The following LYPD1 variants were observed in gnomAD, a reference collection of about 807,000 sequenced individuals.
LYPD1 encodes the protein LY6/PLAUR domain containing 1, also known as ly6/PLAUR domain-containing protein 1.
In LYPD1, 14 loss-of-function variants were observed where a neutral mutation model predicts 14.2. The observed-to-expected ratio is 0.99, with a 90% CI of 0.65 to 1.54. The LOEUF (loss-of-function observed/expected upper bound fraction) is 1.54, where lower values mean the gene tolerates loss of function less well. LYPD1 is among the 40% of genes most tolerant of loss of function. LYPD1 has a pLI of 0.00. For missense variants in LYPD1, 165 were observed against 175.7 expected, an observed-to-expected ratio of 0.94 and a Z score of 0.34; for synonymous variants, 85 against 70.6, an observed-to-expected ratio of 1.20 and a Z score of -1.02.
chr2:132,662,362 G>A (rs1683001062), intron 2 of LYPD1, among the ~76,000 whole-genome samples: 1 of 152,168 alleles, frequency 6.6e-6, no homozygotes, highest in African/African-American at 2.4e-5. Context: ...AAGGGGGGAG[G>A]CTAAGCCCCT....
rs966463098 is a variant in LYPD1 at position 132,643,589 on chromosome 2, C to T, written c.*2456G>A. Among the ~76,000 whole-genome samples, 9 of 152,330 alleles carry T rather than the reference C, an allele frequency of 5.9e-5. No homozygotes were observed. In the South Asian group the frequency reaches 1.0e-3, roughly 18 times the overall value. On this transcript the variant is annotated 3_prime_UTR_variant, in exon 3 of 3. Transcript: ENST00000397463. ...AGTGCAGTGGCACATTCGTGTCTCA[C>T]TGTAGCCTTCACCTCCTGGGCTCAA...
At chr2:132,661,123 C>T (rs145458072) in intron 2 of LYPD1, among the ~76,000 whole-genome samples, 3 of 152,232 alleles carry the variant, frequency 2.0e-5, no homozygotes, top group East Asian at 1.9e-4. Context: ...TTCTTGAGGA[C>T]GGTGGCCTAA....
intron 2 of LYPD1, among the ~76,000 whole-genome samples, chr2:132,653,489 G>A (rs1180122971): frequency 6.6e-6 from 1 of 152,218 alleles, no homozygotes; most frequent in African/African-American, 2.4e-5. Flanking sequence ...TTTTCTTACA[G>A]AAGGATTCCA....
At chr2:132,653,874 C>G (rs1682445713) in intron 2 of LYPD1, among the ~76,000 whole-genome samples, 1 of 152,292 alleles carries the variant, frequency 6.6e-6, no homozygotes, top group Middle Eastern at 3.4e-3. Context: ...CAGACAATCC[C>G]AAACTGAGGG....
Position 132,670,151 on chromosome 2 carries a change from C to G in LYPD1, c.-219G>C. On this transcript the variant is annotated 5_prime_UTR_variant, in exon 1 of 3. Coordinates refer to ENST00000397463, the MANE Select transcript of LYPD1 (RefSeq NM_144586.7). This position sits in a 1 kb window ranked among gnomAD's most constrained non-coding sequence, Gnocchi z 4.5. ...CGGCTGCGGGTCTCTGCTCCTCCCG[C>G]TCGCGCTCCCGGGCCGAGCACCGCG... 6 of 1,374,912 alleles carry G rather than the reference C, an allele frequency of 4.4e-6. No individual in the cohort carries two copies. The highest frequency in any genetic ancestry group is 5.6e-6 in the Non-Finnish European group (6 of 1,071,538). 85.2% of individuals were successfully genotyped at this position (1,374,912 alleles called of 1,614,324 possible). A position where few individuals can be genotyped will look rare whatever the true frequency, so the allele number is the denominator to read the frequency against.
rs1290380647 is a variant in LYPD1, at chr2:132,660,219, A to C, written c.190+8181T>G. Among the ~76,000 whole-genome samples, 3 of 152,358 alleles carry C rather than the reference A, an allele frequency of 2.0e-5. No homozygotes were observed. In the East Asian group the frequency reaches 5.8e-4, roughly 29 times the overall value. ...TATCACAACTTCCTTAAAATAATAC[A>C]ACTTTATCACTTTTGCATCTGATCC... On this transcript the variant is annotated intron_variant, in intron 2 of 2. Transcript: ENST00000397463.
intron 2 of LYPD1, among the ~76,000 whole-genome samples, chr2:132,663,566 G>C (rs973988465): frequency 6.6e-6 from 1 of 152,190 alleles, no homozygotes; most frequent in African/African-American, 2.4e-5. Flanking sequence ...ATGAGCCGCC[G>C]TGCCCAGCTT....
Position 132,644,006 on chromosome 2 carries a change from C to G in LYPD1, c.*2039G>C, listed in dbSNP as rs909308059. On this transcript the variant is annotated 3_prime_UTR_variant, in exon 3 of 3. Coordinates refer to ENST00000397463, the MANE Select transcript of LYPD1 (RefSeq NM_144586.7). ...TGCAAATCCTGCTTTAAGGTAGCAG[C>G]TCTCTACAGGGGAATTTACTGTGGG... 6.6e-6 allele frequency among the ~76,000 whole-genome samples: 1 copy of G among 152,192 alleles called. No individual in the cohort carries two copies. The highest frequency in any genetic ancestry group is 1.5e-5 in the Non-Finnish European group (1 of 68,042).
intron 2 of LYPD1, chr2:132,666,731 T>C (rs1683294269): frequency 6.6e-6 from 1 of 152,164 alleles, no homozygotes; most frequent in Non-Finnish European, 1.5e-5. Flanking sequence ...ATGGAGTGTG[T>C]GGTATTCATC....
chr2:132,646,384 C>T, intron 2 of LYPD1, 104 bp from the exon 3 acceptor site: 1 of 681,792 alleles, frequency 1.5e-6, no homozygotes. Flanking sequence ...ACTCCTCCCA[C>T]AGCCCAGAGA....
At chr2:132,668,169 C>T (rs556091188) in intron 2 of LYPD1, among the ~76,000 whole-genome samples, 48 of 152,150 alleles carry the variant, frequency 3.2e-4, no homozygotes, top group African/African-American at 1.1e-3. Context: ...CACTAATTTA[C>T]ATGCACTTCC....
intron 2 of LYPD1, among the ~76,000 whole-genome samples, chr2:132,653,547 C>T (rs1253365239): frequency 6.6e-6 from 1 of 152,148 alleles, no homozygotes; most frequent in Admixed American, 6.6e-5. Context: ...AAGATTAGAA[C>T]ACCATGGTAA....
At chr2:132,670,271 T>G, upstream of LYPD1, 1 of 365,894 alleles carries the variant, frequency 2.7e-6, no homozygotes, top group Non-Finnish European at 4.5e-6. The surrounding 1 kb of genome is among the most constrained non-coding windows in gnomAD (Gnocchi z 4.5). Context: ...ACTCCAGGCA[T>G]CACGTGACGG....
chr2:132,668,650 A>T (rs1683432451), intron 1 of LYPD1, 113 bp from the exon 2 acceptor site: 2 of 1,453,888 alleles, frequency 1.4e-6, no homozygotes, highest in East Asian at 2.6e-5. Flanking sequence ...GCAGGCTTAG[A>T]CCACTCCTGG....
intron 2 of LYPD1, chr2:132,666,858 GTAA>G (rs1683298838): frequency 6.6e-6 from 1 of 152,172 alleles, no homozygotes; most frequent in Admixed American, 6.5e-5. Context: ...TGACACCCAG[GTAA>G]GCAGTGGCCT....
intron 2 of LYPD1, among the ~76,000 whole-genome samples, chr2:132,647,785 C>T (rs527446054): frequency 2.8e-4 from 43 of 152,204 alleles, no homozygotes; most frequent in African/African-American, 1.0e-3. Context: ...GGCTCCTTAC[C>T]CACTCCTTTC....
Position 132,669,668 on chromosome 2 carries a change from G to A in LYPD1, c.52+213C>T, listed in dbSNP as rs1316077774. 6.6e-6 allele frequency among the ~76,000 whole-genome samples: 1 copy of A among 151,960 alleles called. No homozygotes were observed. Among genetic ancestry groups the A allele is most frequent in the Non-Finnish European group, 1.5e-5 (1 of 67,972 alleles). On this transcript the variant is annotated intron_variant, in intron 1 of 2. Coordinates refer to ENST00000397463, the MANE Select transcript of LYPD1 (RefSeq NM_144586.7). The surrounding 1 kb of genome is among the most constrained non-coding windows in gnomAD (Gnocchi z 4.3). Reference sequence around the variant, plus strand: ...CGGACAAGCTGCAGCCCGGAGTCCCGCAAACCCGCCGCTCCCCGCTCTCCT... The same window carrying A: ...CGGACAAGCTGCAGCCCGGAGTCCCACAAACCCGCCGCTCCCCGCTCTCCT...
Position 132,645,316 on chromosome 2 carries a change from G to T in LYPD1, c.*729C>A, listed in dbSNP as rs951535445. 5.0e-6 allele frequency: 8 copies of T among 1,614,090 alleles called. No individual in the cohort carries two copies. In the African/African-American group the frequency reaches 1.1e-4, roughly 22 times the overall value. On this transcript the variant is annotated 3_prime_UTR_variant, in exon 3 of 3. Coordinates refer to ENST00000397463, the MANE Select transcript of LYPD1 (RefSeq NM_144586.7). The stretch of plus-strand genomic sequence containing the variant: ...GCAGTTTCGGCGGGTGTTCGTGCAG[G>T]TGCTGTGCTGCCGCCTGTCGCTGCA...
intron 2 of LYPD1, among the ~76,000 whole-genome samples, chr2:132,655,499 T>G (rs2709525): frequency 0.65 from 96,029 of 146,674 alleles, 32,723 homozygotes; most frequent in African/African-American, 0.85. Flanking sequence ...ATGATTCTCT[T>G]GGGGGTTGAG....
Sources: allele counts gnomAD v4.1 joint callset (sites outside exome capture counted in the v4.1 genomes callset), GRCh38; gene constraint gnomAD v4.1.1; non-coding constraint Gnocchi (gnomAD v3.1); transcripts MANE v1.5; gene names NCBI Gene and HGNC (gene_info 2026-07-23, HGNC 2026-07-21).